CUL3: variants seen among roughly 807,000 people sequenced by gnomAD.
CUL3 encodes cullin 3.
CUL3 carries 19 observed loss-of-function variants against 89.1 expected under a neutral mutation model. The observed-to-expected ratio is 0.21, with a 90% CI of 0.15 to 0.31. The LOEUF is 0.31. Ranked by LOEUF, CUL3 falls within the 10% of genes least tolerant of loss-of-function variation. The pLI is 1.00. For missense variants in CUL3, 469 were observed against 942.3 expected (o/e 0.50, Z 6.58); for synonymous variants, 351 against 308.4 (o/e 1.14, Z -1.45).
intron 2 of CUL3, among the ~76,000 whole-genome samples, chr2:224,548,379 ATAT>A (rs1412432407): frequency 6.6e-6 from 1 of 152,356 alleles, no homozygotes; most frequent in African/African-American, 2.4e-5. Context: ...TCGGAGTAAG[ATAT>A]TATTTGAAGA....
chr2:224,529,522 G>A (rs1171633953), intron 3 of CUL3, among the ~76,000 whole-genome samples: 1 of 151,558 alleles, frequency 6.6e-6, no homozygotes, highest in Admixed American at 6.6e-5. Flanking sequence ...CCAGCTACTT[G>A]GGAGGCTGAG....
chr2:224,574,800 A>G (rs1272379339), intron 1 of CUL3, among the ~76,000 whole-genome samples: 1 of 152,246 alleles, frequency 6.6e-6, no homozygotes, highest in African/African-American at 2.4e-5. Flanking sequence ...TTTGTGAAAG[A>G]CTGCTGTAGT....
intron 13 of CUL3, chr2:224,495,541 G>A (rs569131423): frequency 3.0e-5 from 6 of 202,752 alleles, no homozygotes; most frequent in East Asian, 2.4e-4. Flanking sequence ...CTGTATTTTC[G>A]GGCAATATTC....
intron 1 of CUL3, among the ~76,000 whole-genome samples, chr2:224,568,542 T>A (rs887182890): frequency 2.6e-5 from 4 of 152,232 alleles, no homozygotes; most frequent in African/African-American, 9.6e-5. Context: ...GTTGAATGTG[T>A]TTACCCTCAG....
At chr2:224,475,803 T>G (rs1421819050) in intron 15 of CUL3, among the ~76,000 whole-genome samples, 1 of 152,194 alleles carries the variant, frequency 6.6e-6, no homozygotes, top group African/African-American at 2.4e-5. Flanking sequence ...CTCCTGATTC[T>G]TTTGGTCCTA....
At chr2:224,560,172 T>A (rs1276482700) in intron 1 of CUL3, among the ~76,000 whole-genome samples, 1 of 152,222 alleles carries the variant, frequency 6.6e-6, no homozygotes, top group Non-Finnish European at 1.5e-5. Context: ...TGTCTCCTAT[T>A]CATCTGTTTT....
intron 13 of CUL3, among the ~76,000 whole-genome samples, chr2:224,486,320 C>A (rs1691720686): frequency 6.6e-6 from 1 of 152,080 alleles, no homozygotes; most frequent in Non-Finnish European, 1.5e-5. Context: ...CTCCTCTGAG[C>A]TAAAGGAGCA....
chr2:224,477,846 G>A (rs1334115446), intron 15 of CUL3, among the ~76,000 whole-genome samples: 3 of 152,070 alleles, frequency 2.0e-5, no homozygotes, highest in Admixed American at 6.5e-5. Flanking sequence ...CCCCTCCTTA[G>A]TTTCCCAATT....
At chr2:224,495,480 T>G (rs1402330830) in intron 13 of CUL3, 1 of 161,624 alleles carries the variant, frequency 6.2e-6, no homozygotes, top group Non-Finnish European at 1.3e-5. Flanking sequence ...CTGGAGGTGG[T>G]AGGAGGGAAT....
At chr2:224,538,208 T>G (rs1451290080) in intron 2 of CUL3, among the ~76,000 whole-genome samples, 1 of 152,186 alleles carries the variant, frequency 6.6e-6, no homozygotes, top group African/African-American at 2.4e-5. Context: ...TTAGATACAC[T>G]GCTGCAATGT....
intron 1 of CUL3, among the ~76,000 whole-genome samples, chr2:224,584,535 T>C (rs1402571971): frequency 6.6e-6 from 1 of 151,802 alleles, no homozygotes; most frequent in Non-Finnish European, 1.5e-5. Context: ...ATTTTCAAAG[T>C]GTAGCGAAAC....
chr2:224,519,334 C>T (rs1432772797), intron 3 of CUL3, among the ~76,000 whole-genome samples: 1 of 152,138 alleles, frequency 6.6e-6, no homozygotes. Context: ...AAAATCCCCC[C>T]AAAATGCAAA....
intron 6 of CUL3, among the ~76,000 whole-genome samples, chr2:224,509,545 G>A (rs558053760): frequency 2.0e-3 from 307 of 152,264 alleles, no homozygotes; most frequent in Non-Finnish European, 3.6e-3. Context: ...ATTTAATTTA[G>A]AATCACAGAT....
At chr2:224,486,980 A>G (rs984552664) in intron 13 of CUL3, among the ~76,000 whole-genome samples, 1 of 152,238 alleles carries the variant, frequency 6.6e-6, no homozygotes, top group Admixed American at 6.5e-5. Context: ...CTTAAAGAGA[A>G]GAATGTTCAA....
At chr2:224,541,580 A>T (rs1330370896) in intron 2 of CUL3, among the ~76,000 whole-genome samples, 1 of 152,210 alleles carries the variant, frequency 6.6e-6, no homozygotes, top group Non-Finnish European at 1.5e-5. Context: ...TTAACAGAGA[A>T]ATGAAAACTT....
rs374647901 is a variant in CUL3 at position 224,551,506 on chromosome 2, A to AT, written c.264+6152dup. On this transcript the variant is annotated intron_variant, in intron 2 of 15. Transcript: ENST00000264414. ...AGGTGTGAGCCACCACGCCTGGTCA[A>AT]TTTTTTTTTTTTTTTTTGTAGAGAC... Among the ~76,000 whole-genome samples the AT allele has an allele frequency of 7.1e-3, 990 of 139,590 alleles. 7 individuals are homozygous for AT. Among genetic ancestry groups the AT allele is most frequent in the Middle Eastern group, 0.015 (4 of 270 alleles). 91.6% of individuals were successfully genotyped at this position (139,590 alleles called of 152,430 possible).
intron 11 of CUL3, chr2:224,499,884 T>G (rs1692309180): frequency 6.2e-6 from 1 of 161,418 alleles, no homozygotes; most frequent in African/African-American, 2.4e-5. Context: ...AAATATTTGC[T>G]TGGATCTTTC....
chr2:224,542,478 C>A (rs536665550), intron 2 of CUL3, among the ~76,000 whole-genome samples: 2 of 149,458 alleles, frequency 1.3e-5, no homozygotes, highest in African/African-American at 5.0e-5. Context: ...GCAGCACGCG[C>A]CAGCACTTCT....
chr2:224,514,834 T>C (rs1349745265), intron 3 of CUL3, 62 bp from the exon 4 acceptor site: 3 of 1,133,988 alleles, frequency 2.6e-6, no homozygotes, highest in Non-Finnish European at 3.8e-6. Flanking sequence ...TATTGTGTGC[T>C]ACAATAACAA....
Sources: allele counts gnomAD v4.1 joint callset (sites outside exome capture counted in the v4.1 genomes callset), GRCh38; gene constraint gnomAD v4.1.1; transcripts MANE v1.5; gene names NCBI Gene and HGNC (gene_info 2026-07-23, HGNC 2026-07-21).